Variants in GOLGA4 observed in about 807,000 individuals in gnomAD.
GOLGA4 encodes the protein golgin A4.
In GOLGA4, 169 loss-of-function variants were observed where a neutral mutation model predicts 265.9. The observed-to-expected ratio is 0.64, with a 90% CI of 0.56 to 0.72. GOLGA4 has a LOEUF of 0.72. Ranked by LOEUF, GOLGA4 falls within the 30% of genes least tolerant of loss-of-function variation. The pLI, the probability that GOLGA4 is intolerant of heterozygous loss-of-function variation, is 0.00. For missense variants in GOLGA4, 2,482 were observed against 2,483.4 expected (o/e 1.00, Z 0.01); for synonymous variants, 923 against 855.8 (o/e 1.08, Z -1.37).
chr3:37,296,681 C>T (rs2096879308), intron 7 of GOLGA4, among the ~76,000 whole-genome samples: 1 of 152,106 alleles, frequency 6.6e-6, no homozygotes. Flanking sequence ...AGCGATTCTC[C>T]TGCCTCAGCC....
Position 37,324,968 on chromosome 3 carries a change from C to T in GOLGA4, c.3082C>T (p.Gln1028Ter). 1 of 1,612,910 alleles carries T rather than the reference C, an allele frequency of 6.2e-7. No homozygotes were observed. ...AAGACTGGAAACAAACCAAAAAGAA[C>T]AAATAGAAAGTCTTACTGAGGTTCA... ...VSRLETNQKEQIESLTEVHRR... is the reference protein window; with the variant it reads ...VSRLETNQKE The change falls in exon 14 of 24, where the codon CAA becomes TAA. Residue 1028 changes from glutamine (Q) to a stop codon, truncating the protein, a stop_gained. Transcript: ENST00000361924. LOFTEE classifies it high-confidence loss of function.
At chr3:37,359,710 CCT>C in intron 22 of GOLGA4, among the ~76,000 whole-genome samples, 1 of 152,078 alleles carries the variant, frequency 6.6e-6, no homozygotes, top group Middle Eastern at 3.4e-3. Flanking sequence ...ATTTTCTTCC[CCT>C]GTTGGAATTT....
intron 17 of GOLGA4, 42 bp downstream of exon 17, chr3:37,335,208 A>T: frequency 9.7e-7 from 1 of 1,027,182 alleles, no homozygotes; most frequent in Non-Finnish European, 1.5e-6. Context: ...TCTTGAAAAC[A>T]TTGTCATTTC....
chr3:37,291,463 C>T (rs542555675), intron 5 of GOLGA4, among the ~76,000 whole-genome samples: 87 of 152,090 alleles, frequency 5.7e-4, no homozygotes, highest in Non-Finnish European at 1.1e-3. Context: ...AATTATAGAA[C>T]CAGCATTCCC....
chr3:37,284,831 A>C (rs2096844083), intron 3 of GOLGA4, among the ~76,000 whole-genome samples: 1 of 151,748 alleles, frequency 6.6e-6, no homozygotes, highest in Non-Finnish European at 1.5e-5. Flanking sequence ...ACACCTGGCT[A>C]ATTTTTTGTA....
chr3:37,338,716 C>A lies in GOLGA4; in HGVS notation c.6396+982C>A, dbSNP rs558748142. On this transcript the variant is annotated intron_variant, in intron 19 of 23. Coordinates refer to ENST00000361924, the MANE Select transcript of GOLGA4 (RefSeq NM_002078.5). The stretch of plus-strand genomic sequence containing the variant: ...TATTTCATCACCCCAAGAGGAAACT[C>A]CATACCCATTAAGCAGTCACTCCCC... 1.1e-4 allele frequency among the ~76,000 whole-genome samples: 17 copies of A among 152,256 alleles called. No individual in the cohort carries two copies. The South Asian group carries it at 3.5e-3, about 32-fold the overall frequency.
chr3:37,296,757 G>A (rs2096879502), intron 7 of GOLGA4, among the ~76,000 whole-genome samples: 1 of 152,078 alleles, frequency 6.6e-6, no homozygotes, highest in African/African-American at 2.4e-5. Context: ...TTTCAGTAGA[G>A]ACGGGCTTTC....
intron 3 of GOLGA4, among the ~76,000 whole-genome samples, chr3:37,285,700 G>A (rs2150786910): frequency 6.6e-6 from 1 of 152,360 alleles, no homozygotes; most frequent in East Asian, 1.9e-4. Context: ...GATTTAGTCT[G>A]TAACTATAGT....
At chr3:37,285,153 C>CT (rs542285622) in intron 3 of GOLGA4, among the ~76,000 whole-genome samples, 2,577 of 127,630 alleles carry the variant, frequency 0.02, 24 homozygotes, top group African/African-American at 0.031. Context: ...AGATGAGTAA[C>CT]TTTTTTTTTT....
intron 2 of GOLGA4, chr3:37,275,917 A>G: frequency 1.9e-6 from 3 of 1,613,762 alleles, no homozygotes; most frequent in African/African-American, 1.3e-5. Flanking sequence ...CCTGGAAAAA[A>G]TTATTAGATG....
At chr3:37,303,400 T>G (rs569785544) in intron 10 of GOLGA4, among the ~76,000 whole-genome samples, 1 of 152,304 alleles carries the variant, frequency 6.6e-6, no homozygotes, top group South Asian at 2.1e-4. Flanking sequence ...TAGAATTTGG[T>G]ATCTGATCAA....
Position 37,325,835 on chromosome 3 carries a change from G to A in GOLGA4, c.3949G>A (p.Val1317Ile), listed in dbSNP as rs755978389. The change falls in exon 14 of 24, where the codon GTA (valine) becomes ATA (isoleucine). Residue 1317 changes from valine to isoleucine, a missense_variant. Physicochemically the swap from Val to Ile is conservative, Grantham distance 29. Around this residue, in one of 3 missense-constraint regions of GOLGA4, gnomAD observed 1,536 missense variants for 1,483.7 expected, o/e 1.04. Transcript: ENST00000361924. ...KSMKADIESL[V>I]TEKEALQKEG... is the part of the protein sequence containing the mutation. ...CATGAAGGCTGATATTGAAAGTCTT[G>A]TAACAGAAAAAGAAGCCTTACAGAA... 7 of 1,613,252 alleles carry A rather than the reference G, an allele frequency of 4.3e-6. No individual in the cohort carries two copies. In the East Asian group the frequency reaches 1.3e-4, roughly 31 times the overall value.
At chr3:37,291,936 A>G (rs2096865707) in intron 5 of GOLGA4, among the ~76,000 whole-genome samples, 1 of 152,146 alleles carries the variant, frequency 6.6e-6, no homozygotes, top group South Asian at 2.1e-4. Context: ...TGCTGCAACA[A>G]ATTACCACCA....
chr3:37,329,224 C>G, intron 16 of GOLGA4, 131 bp downstream of exon 16: 2 of 649,762 alleles, frequency 3.1e-6, no homozygotes, highest in Admixed American at 3.3e-5. Context: ...CAATATTATT[C>G]AAATTAGTAC....
intron 21 of GOLGA4, among the ~76,000 whole-genome samples, chr3:37,354,413 A>G (rs1291671241): frequency 1.3e-5 from 2 of 152,044 alleles, no homozygotes; most frequent in Non-Finnish European, 2.9e-5. Flanking sequence ...TCATCTTGAT[A>G]CAAAATAGGG....
At chr3:37,299,152 C>A (rs768724962) in intron 8 of GOLGA4, 132 bp downstream of exon 8, 1 of 924,906 alleles carries the variant, frequency 1.1e-6, no homozygotes, top group Non-Finnish European at 1.7e-6. Context: ...GCCTACATAA[C>A]ACCAAACCTT....
chr3:37,289,177 AT>A, intron 4 of GOLGA4, 57 bp from the exon 5 acceptor site: 1 of 882,986 alleles, frequency 1.1e-6, no homozygotes, highest in Non-Finnish European at 1.8e-6. Flanking sequence ...CTTGCTTTGT[AT>A]TTACTATGTC....
At chr3:37,346,753 G>GT (rs1359633608) in intron 20 of GOLGA4, among the ~76,000 whole-genome samples, 1 of 152,122 alleles carries the variant, frequency 6.6e-6, no homozygotes, top group South Asian at 2.1e-4. Flanking sequence ...TGTAGTGCTT[G>GT]TTTTCAGTTT....
In GOLGA4 at chr3:37,323,642, C is replaced by T; in HGVS notation, c.1756C>T (p.Gln586Ter). 6.3e-7 allele frequency: 1 copy of T among 1,580,756 alleles called. No homozygotes were observed. The highest frequency in any genetic ancestry group is 8.6e-7 in the Non-Finnish European group (1 of 1,169,018). ...AAAAAGCTTACAAGAAAACAAAAAT[C>T]AGTCAAAAGATTTGGCTGTTCATCT... ...LEKSLQENKN[Q>*]SKDLAVHLEA... The change falls in exon 14 of 24, where the codon CAG becomes TAG. Residue 586 changes from glutamine (Q) to a stop codon, truncating the protein, a stop_gained. Coordinates refer to ENST00000361924, the MANE Select transcript of GOLGA4 (RefSeq NM_002078.5). LOFTEE classifies it high-confidence loss of function.
Sources: gnomAD v4.1 joint callset for allele counts (sites outside exome capture counted in the v4.1 genomes callset) on GRCh38, gnomAD v4.1.1 for gene constraint, gnomAD v4.1.1 regional missense constraint, MANE v1.5 for transcripts, NCBI Gene and HGNC (gene_info 2026-07-23, HGNC 2026-07-21) for gene names.